Variants in RANBP3L observed in about 807,000 individuals in gnomAD.
RANBP3L encodes RAN binding protein 3 like, also known as ran-binding protein 3-like.
RANBP3L carries 56 observed loss-of-function variants against 67.2 expected under a neutral mutation model. The ratio of observed to expected loss-of-function variants is 0.83; its 90% CI spans 0.67 to 1.04. The LOEUF is 1.04. Ranked by LOEUF, RANBP3L falls within the 50% of genes least tolerant of loss-of-function variation. The pLI is 0.00. For synonymous variants in RANBP3L, 164 were observed against 181.4 expected (o/e 0.90, Z 0.77); for missense variants, 496 against 535.5 (o/e 0.93, Z 0.73).
rs578132355 is a variant in RANBP3L, at chr5:36,281,966, C to A, written c.92-10655G>T. ...TTTACTTGAATATGCTTATTAGGAG[C>A]AAATGTGGGACTTCTGGATTGATAA... On this transcript the variant is annotated intron_variant, in intron 1 of 13. Transcript: ENST00000296604. 1.4e-4 allele frequency among the ~76,000 whole-genome samples: 21 copies of A among 152,226 alleles called. No individual in the cohort carries two copies. In the East Asian group the frequency reaches 2.3e-3, roughly 17 times the overall value.
chr5:36,269,131 T>G lies in RANBP3L; in HGVS notation c.268+259A>C, dbSNP rs114212931. ...GGTACAGGGAGGAGACCAAATCACT[T>G]GCAACTCCTCTACTTAAGATAACCA... On this transcript the variant is annotated intron_variant, in intron 4 of 13. Coordinates refer to ENST00000296604, the MANE Select transcript of RANBP3L (RefSeq NM_145000.5). 3.7e-3 allele frequency among the ~76,000 whole-genome samples: 565 copies of G among 152,302 alleles called. 3 individuals carry two copies. The highest frequency in any genetic ancestry group is 0.013 in the African/African-American group (529 of 41,566).
chr5:36,259,621 A>G (rs1342189707), intron 8 of RANBP3L, among the ~76,000 whole-genome samples: 1 of 151,094 alleles, frequency 6.6e-6, no homozygotes, highest in Non-Finnish European at 1.5e-5. Context: ...TGGCTTAACG[A>G]GTTGGTTCTT....
intron 6 of RANBP3L, among the ~76,000 whole-genome samples, chr5:36,263,532 T>G: frequency 6.6e-6 from 1 of 152,206 alleles, no homozygotes; most frequent in East Asian, 1.9e-4. Flanking sequence ...TTCTATTACA[T>G]AATTTAAAAC....
intron 1 of RANBP3L, among the ~76,000 whole-genome samples, chr5:36,271,647 A>C (rs953387724): frequency 6.6e-6 from 1 of 152,166 alleles, no homozygotes; most frequent in African/African-American, 2.4e-5. Context: ...TTGCTTTAAG[A>C]ATAAAAAGTT....
intron 8 of RANBP3L, among the ~76,000 whole-genome samples, chr5:36,260,022 T>A (rs1749257553): frequency 6.6e-6 from 1 of 152,096 alleles, no homozygotes; most frequent in Non-Finnish European, 1.5e-5. Context: ...AAGAAAGTTA[T>A]AATAATGCTT....
chr5:36,271,596 T>A (rs770883491), intron 1 of RANBP3L, among the ~76,000 whole-genome samples: 12 of 152,214 alleles, frequency 7.9e-5, no homozygotes, highest in Non-Finnish European at 1.5e-4. Flanking sequence ...AATATAATTA[T>A]GTACCTTTAG....
chr5:36,254,509 T>A (rs1420084749), intron 11 of RANBP3L, among the ~76,000 whole-genome samples: 1 of 151,218 alleles, frequency 6.6e-6, no homozygotes, highest in East Asian at 1.9e-4. Context: ...TTTGGGGGTA[T>A]TTTTTTTTCT....
At chr5:36,295,086 T>C (rs1447857978) in intron 1 of RANBP3L, among the ~76,000 whole-genome samples, 1 of 151,958 alleles carries the variant, frequency 6.6e-6, no homozygotes, top group Non-Finnish European at 1.5e-5. Context: ...ACCATGAGCA[T>C]AGGTGCACAA....
At chr5:36,269,807 A>G in intron 3 of RANBP3L, 144 bp downstream of exon 3, 1 of 761,344 alleles carries the variant, frequency 1.3e-6, no homozygotes, top group Non-Finnish European at 2.3e-6. Context: ...GTCATCTTTC[A>G]AAACAAAAGT....
intron 1 of RANBP3L, among the ~76,000 whole-genome samples, chr5:36,299,098 G>T (rs1752435262): frequency 6.6e-6 from 1 of 152,068 alleles, no homozygotes; most frequent in African/African-American, 2.4e-5. Context: ...AACGTGAAAA[G>T]GTGACTGGCC....
At chr5:36,296,747 G>A (rs534488738) in intron 1 of RANBP3L, among the ~76,000 whole-genome samples, 5 of 152,158 alleles carry the variant, frequency 3.3e-5, no homozygotes, top group Non-Finnish European at 7.3e-5. Context: ...CGGTGAGGAT[G>A]TTTTTGAATG....
At chr5:36,255,431 C>G in intron 11 of RANBP3L, 39 bp downstream of exon 11, 1 of 1,592,300 alleles carries the variant, frequency 6.3e-7, no homozygotes, top group Non-Finnish European at 8.6e-7. Flanking sequence ...AGGAGAAATC[C>G]TGACAAATTA....
In RANBP3L at chr5:36,269,453, GA is replaced by G; in HGVS notation, c.204del (p.Pro69GlnfsTer22). On this transcript the variant is annotated frameshift_variant, in exon 4 of 14. Transcript: ENST00000296604. LOFTEE classifies it high-confidence loss of function. Reference protein sequence around the residue: ...YEAAEPECNGFPTKRVRSSSF... With the variant: ...YEAAEPECNGXPTKRVRSSSF... ...GATGAAGACCGTACACGCTTTGTTG[GA>G]AAACCATTACATTCTGCAAGAAAAG... 6.5e-7 allele frequency: 1 copy of G among 1,541,376 alleles called. No homozygotes were observed. Among genetic ancestry groups the G allele is most frequent in the Non-Finnish European group, 9.0e-7 (1 of 1,113,454 alleles).
chr5:36,257,911 A>C (rs1749106668), intron 8 of RANBP3L, among the ~76,000 whole-genome samples: 1 of 152,132 alleles, frequency 6.6e-6, no homozygotes, highest in Non-Finnish European at 1.5e-5. Context: ...AAAGAAAGAA[A>C]ATGTGCCTTT....
intron 4 of RANBP3L, among the ~76,000 whole-genome samples, chr5:36,267,774 A>G (rs1749915872): frequency 6.6e-6 from 1 of 152,208 alleles, no homozygotes; most frequent in South Asian, 2.1e-4. Flanking sequence ...AAGAGGAGTA[A>G]TGTTTTAATT....
chr5:36,292,899 C>G (rs1013163438), intron 1 of RANBP3L, among the ~76,000 whole-genome samples: 7 of 151,090 alleles, frequency 4.6e-5, no homozygotes, highest in Non-Finnish European at 1.0e-4. Context: ...TTTTTGGTTC[C>G]ATATGAACTT....
At chr5:36,267,167 G>C (rs1392204462) in intron 4 of RANBP3L, among the ~76,000 whole-genome samples, 1 of 152,102 alleles carries the variant, frequency 6.6e-6, no homozygotes, top group East Asian at 1.9e-4. Context: ...CTGTTGCTCA[G>C]TCATGCCTGC....
chr5:36,286,451 A>G (rs142166578), intron 1 of RANBP3L, among the ~76,000 whole-genome samples: 123 of 152,218 alleles, frequency 8.1e-4, no homozygotes, highest in African/African-American at 2.8e-3. Context: ...ACTTGATCAT[A>G]CTGGCATCCT....
rs115320337 is a variant in RANBP3L at position 36,297,010 on chromosome 5, C to T, written c.91+4316G>A. On this transcript the variant is annotated intron_variant, in intron 1 of 13. Transcript: ENST00000296604. ...TAAAATAAATCCCCCTCTCTCTCAC[C>T]CTCTCTCTTCTCTCTCTCTATTCTC... Among the ~76,000 whole-genome samples, 1,187 of 152,112 alleles carry T rather than the reference C, an allele frequency of 7.8e-3. 16 individuals carry two copies. Among genetic ancestry groups the T allele is most frequent in the African/African-American group, 0.027 (1,105 of 41,482 alleles).
Sources: allele counts gnomAD v4.1 joint callset (sites outside exome capture counted in the v4.1 genomes callset), GRCh38; gene constraint gnomAD v4.1.1; transcripts MANE v1.5; gene names NCBI Gene and HGNC (gene_info 2026-07-23, HGNC 2026-07-21).